THAP1: variants seen among roughly 807,000 people sequenced by gnomAD.
THAP1 encodes THAP domain-containing protein 1.
THAP1 carries 6 observed loss-of-function variants against 18.2 expected under a neutral mutation model. The ratio of observed to expected loss-of-function variants is 0.33; its 90% CI spans 0.18 to 0.65. The LOEUF (loss-of-function observed/expected upper bound fraction) is 0.65. Ranked by LOEUF, THAP1 falls within the 30% of genes least tolerant of loss-of-function variation. The pLI, the probability that THAP1 is intolerant of heterozygous loss-of-function variation, is 0.74. For missense variants in THAP1, 176 were observed against 253.0 expected (o/e 0.70, Z 2.06); for synonymous variants, 85 against 90.5 (o/e 0.94, Z 0.34).
Position 42,837,843 on chromosome 8 carries a change from T to C in THAP1, c.*119A>G. ...ATATATAGAATTTTTTTTAAAAAAA[T>C]ATTCTGAACTGTTTTTATATAAGTA... On this transcript the variant is annotated 3_prime_UTR_variant, in exon 3 of 3. Transcript: ENST00000254250. 1 of 1,110,616 alleles carries C rather than the reference T, an allele frequency of 9.0e-7. No homozygotes were observed. The highest frequency in any genetic ancestry group is 1.2e-6 in the Non-Finnish European group (1 of 823,256). The allele number at this position is 1,110,616 out of a possible 1,614,324, so 68.8% of individuals were successfully genotyped here.
chr8:42,839,633 C>T (rs1450636284), intron 1 of THAP1, among the ~76,000 whole-genome samples: 5 of 152,090 alleles, frequency 3.3e-5, no homozygotes, highest in Admixed American at 6.5e-5. Context: ...ACTGCGTCTC[C>T]GCCTCCCAGG....
intron 2 of THAP1, 64 bp from the exon 3 acceptor site, chr8:42,838,400 GACT>G: frequency 1.9e-6 from 3 of 1,593,556 alleles, no homozygotes; most frequent in Non-Finnish European, 2.6e-6. Flanking sequence ...AGAATCTGTG[GACT>G]GACCAGGCGC....
chr8:42,839,098 A>T, intron 2 of THAP1, 88 bp downstream of exon 2: 1 of 1,426,166 alleles, frequency 7.0e-7, no homozygotes, highest in Non-Finnish European at 9.8e-7. Flanking sequence ...TTATTCTCTT[A>T]ACACTAACTC....
chr8:42,842,600 TC>T (rs778895677), intron 1 of THAP1: 1 of 152,428 alleles, frequency 6.6e-6, no homozygotes, highest in Non-Finnish European at 1.5e-5. Flanking sequence ...GATGCTGGCC[TC>T]CCATCCACGG....
Position 42,838,168 on chromosome 8 carries a change from G to A in THAP1, c.436C>T (p.Arg146Trp). 3 of 1,613,950 alleles carry A rather than the reference G, an allele frequency of 1.9e-6. No individual in the cohort carries two copies. The highest frequency in any genetic ancestry group is 2.5e-6 in the Non-Finnish European group (3 of 1,180,020). Residue 146 changes from arginine (R) to tryptophan (W), a missense_variant, in exon 3 of 3, where the codon CGG (arginine) becomes TGG (tryptophan). Coordinates refer to ENST00000254250, the MANE Select transcript of THAP1 (RefSeq NM_018105.3). ...NYTVEDTMHQ[R>W]KRIHQLEQQV... ...TGTTCTAGCTGATGAATCCTTTTCC[G>A]CTGGTGCATTGTATCCTCCACAGTA...
intron 2 of THAP1, 48 bp downstream of exon 2, chr8:42,839,138 T>C (rs1331870454): frequency 6.3e-7 from 1 of 1,592,870 alleles, no homozygotes; most frequent in African/African-American, 1.3e-5. Flanking sequence ...AATGAACACA[T>C]CAGTTTGATA....
At chr8:42,838,492 G>C (rs1177527484) in intron 2 of THAP1, among the ~76,000 whole-genome samples, 156 bp from the exon 3 acceptor site, 1 of 152,096 alleles carries the variant, frequency 6.6e-6, no homozygotes, top group African/African-American at 2.4e-5. Flanking sequence ...TTTGAGACCA[G>C]CCTGGCCAAC....
chr8:42,837,736 G>A lies in THAP1; in HGVS notation c.*226C>T. Reference sequence around the variant, plus strand: ...AAACCAACTTACATTAGAGGTCTGAGGTTAGTTTATAACTTTTAAAATATT... The same window carrying A: ...AAACCAACTTACATTAGAGGTCTGAAGTTAGTTTATAACTTTTAAAATATT... On this transcript the variant is annotated 3_prime_UTR_variant, in exon 3 of 3. Transcript: ENST00000254250. 1 of 327,788 alleles carries A rather than the reference G, an allele frequency of 3.1e-6. No individual in the cohort carries two copies. Among genetic ancestry groups the A allele is most frequent in the Non-Finnish European group, 5.2e-6 (1 of 191,492 alleles). The allele number at this position is 327,788 out of a possible 1,614,324, so 20.3% of individuals were successfully genotyped here.
At position 42,838,049 on chromosome 8, in the gene THAP1, G is replaced by A; in HGVS notation, c.555C>T (p.His185=). 1 of 1,614,026 alleles carries A rather than the reference G, an allele frequency of 6.2e-7. No individual in the cohort carries two copies. Among genetic ancestry groups the A allele is most frequent in the Non-Finnish European group, 8.5e-7 (1 of 1,179,996 alleles). The part of the protein sequence containing the change: ...RQLEKLKEVV[H]FQKEKDDVSE... Reference sequence around the variant, plus strand: ...ATACGTCGTCTTTCTCTTTCTGGAAGTGAACAACCTCCTTTAATTTTTCAA... The same window carrying A: ...ATACGTCGTCTTTCTCTTTCTGGAAATGAACAACCTCCTTTAATTTTTCAA... The change falls in exon 3 of 3, where the codon CAC becomes CAT. Residue 185 remains histidine (H), a synonymous_variant. Coordinates refer to ENST00000254250, the MANE Select transcript of THAP1 (RefSeq NM_018105.3).
At chr8:42,839,490 A>G in intron 1 of THAP1, 109 bp from the exon 2 acceptor site, 1 of 1,091,008 alleles carries the variant, frequency 9.2e-7, no homozygotes, top group Non-Finnish European at 1.4e-6. Context: ...AGATGTTACA[A>G]TTGTATTATC....
At chr8:42,842,835 GACGCGCGCCGAGA>G (rs933858424) in intron 1 of THAP1, 176 bp downstream of exon 1, 4 of 261,844 alleles carry the variant, frequency 1.5e-5, no homozygotes, top group African/African-American at 2.3e-5. Flanking sequence ...CTGCCGCGGC[GACGCGCGCCGAGA>G]ACGCGCGATC....
In THAP1 at chr8:42,842,906, G is replaced by C. The variant is rs1451298397; in HGVS notation, c.71+118C>G. 3.8e-6 allele frequency: 3 copies of C among 788,728 alleles called. No individual in the cohort carries two copies. The African/African-American group carries it at 5.6e-5, about 15-fold the overall frequency. 48.9% of individuals were successfully genotyped at this position (788,728 alleles called of 1,614,324 possible). A position where few individuals can be genotyped will look rare whatever the true frequency, so the allele number is the denominator to read the frequency against. On this transcript the variant is annotated intron_variant, in intron 1 of 2. Coordinates refer to ENST00000254250, the MANE Select transcript of THAP1 (RefSeq NM_018105.3). ...GCGGTGGGAAACGCCCGACACGGCC[G>C]GCCCCAGACCCCACCCGCCCCTCGC...
intron 1 of THAP1, among the ~76,000 whole-genome samples, chr8:42,840,966 A>C (rs1435503602): frequency 1.7e-5 from 2 of 118,056 alleles, no homozygotes; most frequent in Non-Finnish European, 3.5e-5. Flanking sequence ...ACTCCATCTC[A>C]AAAAAAAAAA....
intron 1 of THAP1, among the ~76,000 whole-genome samples, chr8:42,839,938 T>G (rs1802685733): frequency 6.6e-6 from 1 of 152,204 alleles, no homozygotes; most frequent in South Asian, 2.1e-4. Flanking sequence ...GGCTCATGCC[T>G]GTAATCCCAG....
rs547970180 is a variant in THAP1 at position 42,842,893 on chromosome 8, G to T, written c.71+131C>A. ...TTCCCAGCGGGACGCGGTGGGAAAC[G>T]CCCGACACGGCCGGCCCCAGACCCC... On this transcript the variant is annotated intron_variant, in intron 1 of 2. Transcript: ENST00000254250. 17 of 691,180 alleles carry T rather than the reference G, an allele frequency of 2.5e-5. No individual in the cohort carries two copies. The African/African-American group carries it at 3.1e-4, about 13-fold the overall frequency. The allele number at this position is 691,180 out of a possible 1,614,324, so 42.8% of individuals were successfully genotyped here.
intron 1 of THAP1, among the ~76,000 whole-genome samples, chr8:42,841,890 A>T (rs896822675): frequency 1.4e-4 from 21 of 152,088 alleles, no homozygotes; most frequent in Admixed American, 1.2e-3. Flanking sequence ...TGTTCTACAC[A>T]CTCTTATTTC....
chr8:42,841,578 T>C (rs890906889), intron 1 of THAP1, among the ~76,000 whole-genome samples: 6 of 152,132 alleles, frequency 3.9e-5, no homozygotes, highest in Non-Finnish European at 5.9e-5. Context: ...GCATGAGCCA[T>C]CGTGCCTCGA....
intron 1 of THAP1, among the ~76,000 whole-genome samples, chr8:42,841,294 CTTTTTTTTTTT>C (rs775435611): frequency 5.2e-5 from 5 of 95,936 alleles, no homozygotes; most frequent in East Asian, 3.6e-4. Context: ...ACAGTTGTAT[CTTTTTTTTTTT>C]TTTTTTTTTT....
At chr8:42,842,334 G>A (rs1032375799) in intron 1 of THAP1, among the ~76,000 whole-genome samples, 1 of 152,228 alleles carries the variant, frequency 6.6e-6, no homozygotes, top group African/African-American at 2.4e-5. Flanking sequence ...TCTGAAAGCT[G>A]TGGGGCAGTT....
Sources: gnomAD v4.1 joint callset for allele counts (sites outside exome capture counted in the v4.1 genomes callset) on GRCh38, gnomAD v4.1.1 for gene constraint, MANE v1.5 for transcripts, NCBI Gene and HGNC (gene_info 2026-07-23, HGNC 2026-07-21) for gene names.